The following SLC25A26 variants were observed in gnomAD, a reference collection of about 807,000 sequenced individuals.
SLC25A26 encodes the protein mitochondrial S-adenosylmethionine carrier protein.
SLC25A26 carries 36 observed loss-of-function variants against 37.8 expected under a neutral mutation model. The ratio of observed to expected loss-of-function variants is 0.95; its 90% CI spans 0.73 to 1.26. The LOEUF (loss-of-function observed/expected upper bound fraction) is 1.26, where lower values mean the gene tolerates loss of function less well. Ranked by LOEUF, SLC25A26 falls within the 50% of genes most tolerant of loss-of-function variation. The pLI, the probability that SLC25A26 is intolerant of heterozygous loss-of-function variation, is 0.00. For missense variants in SLC25A26, 390 were observed against 331.1 expected (o/e 1.18, Z -1.38); for synonymous variants, 129 against 122.5 (o/e 1.05, Z -0.35).
chr3:66,246,680 CT>C, intron 3 of SLC25A26, among the ~76,000 whole-genome samples: 1 of 152,182 alleles, frequency 6.6e-6, no homozygotes, highest in African/African-American at 2.4e-5. Context: ...TACATTGTGT[CT>C]TTTGGGGGTT....
chr3:66,169,478 A>G (rs1226216731), intron 1 of SLC25A26, among the ~76,000 whole-genome samples: 2 of 152,184 alleles, frequency 1.3e-5, no homozygotes, highest in Non-Finnish European at 2.9e-5. Context: ...CTGACTCTCC[A>G]GGGATGCCTT....
intron 6 of SLC25A26, among the ~76,000 whole-genome samples, chr3:66,360,648 C>T (rs779982856): frequency 4.6e-5 from 7 of 152,148 alleles, no homozygotes; most frequent in African/African-American, 7.2e-5. Context: ...AAAAACAGTG[C>T]GATTTGCAGT....
chr3:66,210,106 C>T (rs1405647932), intron 1 of SLC25A26, among the ~76,000 whole-genome samples: 1 of 150,410 alleles, frequency 6.6e-6, no homozygotes, highest in East Asian at 2.0e-4. Flanking sequence ...GCCTCCTTCA[C>T]TTCCTCCTTC....
At chr3:66,174,008 G>A (rs548164383) in intron 1 of SLC25A26, among the ~76,000 whole-genome samples, 8 of 151,924 alleles carry the variant, frequency 5.3e-5, no homozygotes, top group East Asian at 3.9e-4. Flanking sequence ...AGCCGAGATC[G>A]TGCCACTGCG....
chr3:66,268,389 C>T (rs187272745), intron 5 of SLC25A26, among the ~76,000 whole-genome samples: 16 of 152,302 alleles, frequency 1.1e-4, no homozygotes, highest in African/African-American at 3.8e-4. Context: ...TTCTGTTTTC[C>T]CCTGCCTCAC....
intron 8 of SLC25A26, 64 bp from the exon 9 acceptor site, chr3:66,370,465 G>A: frequency 7.7e-7 from 1 of 1,304,096 alleles, no homozygotes; most frequent in Non-Finnish European, 1.1e-6. Flanking sequence ...GAGGATATCT[G>A]AGAGGCAAGT....
chr3:66,141,162 T>C (rs1339255443), intron 1 of SLC25A26, among the ~76,000 whole-genome samples: 1 of 151,548 alleles, frequency 6.6e-6, no homozygotes, highest in African/African-American at 2.4e-5. Flanking sequence ...TATTCTATAG[T>C]GTTGCAAGTT....
intron 6 of SLC25A26, among the ~76,000 whole-genome samples, chr3:66,352,690 G>A (rs2076485940): frequency 6.6e-6 from 1 of 151,776 alleles, no homozygotes; most frequent in Admixed American, 6.6e-5. Context: ...GCATTTTCCA[G>A]GGTCTGGGGA....
At position 66,329,824 on chromosome 3, in the gene SLC25A26, A is replaced by G. The variant is rs79196592; in HGVS notation, c.454-16540A>G. ...TCCATCCTCCTGCCTCAGACTCCCAATGTGCTGGGATTATAGGCATCAGTT... is the reference window on the plus strand; with the variant it reads ...TCCATCCTCCTGCCTCAGACTCCCAGTGTGCTGGGATTATAGGCATCAGTT... On this transcript the variant is annotated intron_variant, in intron 5 of 9. Transcript: ENST00000354883. Among the ~76,000 whole-genome samples, 7 of 152,214 alleles carry G rather than the reference A, an allele frequency of 4.6e-5. No individual in the cohort carries two copies. The South Asian group carries it at 8.3e-4, about 18-fold the overall frequency.
At chr3:66,285,168 A>G (rs1240908393) in intron 5 of SLC25A26, among the ~76,000 whole-genome samples, 1 of 152,184 alleles carries the variant, frequency 6.6e-6, no homozygotes, top group Non-Finnish European at 1.5e-5. Context: ...TGCATTTTTC[A>G]TATACATATT....
At chr3:66,139,471 A>G (rs972155356) in intron 1 of SLC25A26, among the ~76,000 whole-genome samples, 3 of 152,228 alleles carry the variant, frequency 2.0e-5, no homozygotes, top group African/African-American at 7.2e-5. Context: ...ATCAGGAGAT[A>G]AAAATTTCTT....
Position 66,378,701 on chromosome 3 carries a change from T to C in SLC25A26, c.*894T>C, listed in dbSNP as rs1381883799. On this transcript the variant is annotated 3_prime_UTR_variant, in exon 10 of 10. Transcript: ENST00000354883. ...TCTGCCCTGGAGCAAACAAACAGTA[T>C]GTGATTTTGCTTCGCCTATTTTTTT... is the stretch of plus-strand genomic sequence containing the variant. 6.6e-6 allele frequency: 1 copy of C among 152,536 alleles called. No homozygotes were observed. Among genetic ancestry groups the C allele is most frequent in the Admixed American group, 6.5e-5 (1 of 15,280 alleles). 9.4% of individuals were successfully genotyped at this position (152,536 alleles called of 1,614,324 possible).
At chr3:66,138,055 A>C (rs1411316714) in intron 1 of SLC25A26, among the ~76,000 whole-genome samples, 1 of 151,938 alleles carries the variant, frequency 6.6e-6, no homozygotes, top group Non-Finnish European at 1.5e-5. Flanking sequence ...GTTGGTCTCG[A>C]ACTCCTGACC....
At chr3:66,188,367 T>A (rs936411960) in intron 1 of SLC25A26, among the ~76,000 whole-genome samples, 21 of 152,278 alleles carry the variant, frequency 1.4e-4, no homozygotes, top group African/African-American at 4.8e-4. Context: ...TGGGGTCTAG[T>A]GTAGGTTGTT....
chr3:66,287,875 A>C (rs1245143318), intron 5 of SLC25A26, among the ~76,000 whole-genome samples: 1 of 152,234 alleles, frequency 6.6e-6, no homozygotes, highest in Admixed American at 6.5e-5. Context: ...AATTAATGTG[A>C]AGTTTTTAAT....
At chr3:66,317,715 A>C (rs557383738) in intron 5 of SLC25A26, among the ~76,000 whole-genome samples, 14 of 152,240 alleles carry the variant, frequency 9.2e-5, no homozygotes, top group African/African-American at 3.4e-4. Context: ...GGCATAAAAG[A>C]CTAAGATTGC....
chr3:66,164,383 T>G (rs2070397767), intron 1 of SLC25A26, among the ~76,000 whole-genome samples: 2 of 152,096 alleles, frequency 1.3e-5, no homozygotes, highest in African/African-American at 4.8e-5. Flanking sequence ...AGCTCCATTC[T>G]CACAAATAAC....
intron 1 of SLC25A26, among the ~76,000 whole-genome samples, chr3:66,140,526 C>A (rs990961907): frequency 6.6e-6 from 1 of 152,140 alleles, no homozygotes; most frequent in Admixed American, 6.5e-5. Context: ...TTCACTAGAA[C>A]CTTCGAATGA....
At chr3:66,373,343 C>T (rs1312252300) in intron 9 of SLC25A26, among the ~76,000 whole-genome samples, 1 of 152,224 alleles carries the variant, frequency 6.6e-6, no homozygotes, top group Non-Finnish European at 1.5e-5. Context: ...GTACAAATTA[C>T]TCCACGTTAA....
Sources: allele counts gnomAD v4.1 joint callset (sites outside exome capture counted in the v4.1 genomes callset), GRCh38; gene constraint gnomAD v4.1.1; transcripts MANE v1.5; gene names NCBI Gene and HGNC (gene_info 2026-07-23, HGNC 2026-07-21).